KCNN2: variants seen among roughly 807,000 people sequenced by gnomAD.
The protein encoded by KCNN2 is small conductance calcium-activated potassium channel protein 2.
In KCNN2, 24 loss-of-function variants were observed where a neutral mutation model predicts 55.5. That is an observed-to-expected ratio of 0.43 (90% confidence interval 0.31 to 0.61). The LOEUF (loss-of-function observed/expected upper bound fraction) is 0.61, where lower values mean the gene tolerates loss of function less well. Ranked by LOEUF, KCNN2 falls within the 20% of genes least tolerant of loss-of-function variation. The pLI is 0.08. For synonymous variants in KCNN2, 431 were observed against 336.1 expected (o/e 1.28, Z -3.09); for missense variants, 754 against 853.6 (o/e 0.88, Z 1.45).
rs1406009722 is a variant in KCNN2, at chr5:114,424,093, G to A, written c.1637+19237G>A. Among the ~76,000 whole-genome samples, 9 of 152,172 alleles carry A rather than the reference G, an allele frequency of 5.9e-5. No individual in the cohort carries two copies. The East Asian group carries it at 1.7e-3, about 29-fold the overall frequency. On this transcript the variant is annotated intron_variant, in intron 3 of 7. Transcript: ENST00000673685. ...CAAATTCTTTCTTGGTGATGTTTAT[G>A]CCAAAGGCATTATTATTTATTAGAA...
chr5:114,417,203 A>G (rs1028150233), intron 3 of KCNN2, among the ~76,000 whole-genome samples: 3 of 152,244 alleles, frequency 2.0e-5, no homozygotes, highest in African/African-American at 4.8e-5. Context: ...TGAAATACCC[A>G]ATATAAAAAG....
At chr5:114,143,079 C>T (rs964509087) in intron 1 of KCNN2, among the ~76,000 whole-genome samples, 9 of 151,958 alleles carry the variant, frequency 5.9e-5, no homozygotes, top group African/African-American at 1.5e-4. Flanking sequence ...GGGGGGTCAC[C>T]GCCTTCTGGT....
intron 1 of KCNN2, among the ~76,000 whole-genome samples, chr5:114,087,370 G>C (rs898104601): frequency 2.0e-5 from 3 of 152,104 alleles, no homozygotes; most frequent in Non-Finnish European, 4.4e-5. Flanking sequence ...GTTCAGAATG[G>C]TGTTTACTAG....
At chr5:114,315,377 T>A (rs1756480154) in intron 2 of KCNN2, among the ~76,000 whole-genome samples, 1 of 151,114 alleles carries the variant, frequency 6.6e-6, no homozygotes, top group African/African-American at 2.4e-5. Flanking sequence ...TGGAACACAC[T>A]AAAATAAGCA....
intron 1 of KCNN2, among the ~76,000 whole-genome samples, chr5:114,162,035 T>C (rs892020834): frequency 1.3e-5 from 2 of 152,244 alleles, no homozygotes; most frequent in African/African-American, 4.8e-5. Context: ...CTTTGTTCCA[T>C]TGCTGGTGAG....
intron 2 of KCNN2, among the ~76,000 whole-genome samples, chr5:114,229,354 A>G (rs886388004): frequency 8.6e-5 from 13 of 151,648 alleles, no homozygotes; most frequent in Non-Finnish European, 1.6e-4. Flanking sequence ...TTAACTTAGT[A>G]TTCAGATACA....
At chr5:114,172,034 T>A (rs1397354507) in intron 1 of KCNN2, among the ~76,000 whole-genome samples, 1 of 151,914 alleles carries the variant, frequency 6.6e-6, no homozygotes, top group Non-Finnish European at 1.5e-5. Context: ...GAAACATTAT[T>A]GATCCTATAA....
chr5:114,115,268 A>T (rs1363361256), intron 1 of KCNN2, among the ~76,000 whole-genome samples: 1 of 152,060 alleles, frequency 6.6e-6, no homozygotes, highest in African/African-American at 2.4e-5. Context: ...TATGCAAATA[A>T]TTTTTTCCTT....
chr5:114,215,861 C>T (rs1056061402), intron 1 of KCNN2, among the ~76,000 whole-genome samples: 3 of 152,072 alleles, frequency 2.0e-5, no homozygotes, highest in African/African-American at 7.2e-5. Flanking sequence ...CAAAATTTGT[C>T]AGCAGTTTTT....
At chr5:114,360,115 A>G (rs1424337498), upstream of KCNN2, among the ~76,000 whole-genome samples, 1 of 152,212 alleles carries the variant, frequency 6.6e-6, no homozygotes, top group African/African-American at 2.4e-5. Context: ...AAGACCATTG[A>G]GAAATTCAAT....
intron 1 of KCNN2, among the ~76,000 whole-genome samples, chr5:114,094,460 CAT>C (rs1751216036): frequency 6.6e-6 from 1 of 152,216 alleles, no homozygotes; most frequent in Non-Finnish European, 1.5e-5. Context: ...TTTGTTTAAA[CAT>C]GTGTTGGCTG....
intron 2 of KCNN2, among the ~76,000 whole-genome samples, chr5:114,381,870 G>A (rs529360489): frequency 6.6e-5 from 10 of 152,288 alleles, no homozygotes; most frequent in Non-Finnish European, 1.0e-4. Flanking sequence ...GTGTTGCTGT[G>A]GGACTGAACT....
At chr5:114,195,324 G>A (rs1753531837) in intron 1 of KCNN2, among the ~76,000 whole-genome samples, 1 of 151,754 alleles carries the variant, frequency 6.6e-6, no homozygotes, top group Admixed American at 6.6e-5. Flanking sequence ...CCATGGATGT[G>A]AAATGTCTTT....
At chr5:114,337,974 T>C (rs541635191) in intron 2 of KCNN2, among the ~76,000 whole-genome samples, 1 of 152,316 alleles carries the variant, frequency 6.6e-6, no homozygotes, top group Non-Finnish European at 1.5e-5. Flanking sequence ...ACTGAATTTG[T>C]CCCTGCTAGA....
intron 1 of KCNN2, among the ~76,000 whole-genome samples, chr5:114,091,175 A>G (rs1751136373): frequency 6.6e-6 from 1 of 152,084 alleles, no homozygotes; most frequent in African/African-American, 2.4e-5. Context: ...TGTTAATCAC[A>G]GTCTCCTGCT....
At chr5:114,458,782 A>G (rs759809281) in intron 3 of KCNN2, among the ~76,000 whole-genome samples, 4 of 152,210 alleles carry the variant, frequency 2.6e-5, no homozygotes, top group Admixed American at 6.5e-5. Flanking sequence ...GCTGACCAAA[A>G]GCTACAGGGA....
At chr5:114,157,790 T>C (rs1752668961) in intron 1 of KCNN2, among the ~76,000 whole-genome samples, 1 of 152,154 alleles carries the variant, frequency 6.6e-6, no homozygotes, top group Non-Finnish European at 1.5e-5. Context: ...GTTTTTTGGC[T>C]GCATAAATGT....
chr5:114,364,812 G>C (rs767109532), intron 2 of KCNN2, among the ~76,000 whole-genome samples: 10 of 151,722 alleles, frequency 6.6e-5, no homozygotes, highest in Non-Finnish European at 1.3e-4. Flanking sequence ...ACTTTTTTCA[G>C]CTTAGAATTT....
At chr5:114,135,392 C>A (rs751703127) in intron 1 of KCNN2, among the ~76,000 whole-genome samples, 2 of 152,056 alleles carry the variant, frequency 1.3e-5, no homozygotes, top group Non-Finnish European at 2.9e-5. Context: ...GGAAGAGAAC[C>A]AAACTGAAAC....
Sources: allele counts gnomAD v4.1 joint callset (sites outside exome capture counted in the v4.1 genomes callset), GRCh38; gene constraint gnomAD v4.1.1; transcripts MANE v1.5; gene names NCBI Gene and HGNC (gene_info 2026-07-23, HGNC 2026-07-21).